The following ARMC9 variants were observed in gnomAD, a reference collection of about 807,000 sequenced individuals.
ARMC9 encodes lisH domain-containing protein ARMC9.
ARMC9 carries 94 observed loss-of-function variants against 107.0 expected under a neutral mutation model. That is an observed-to-expected ratio of 0.88 (90% CI 0.74 to 1.04). ARMC9 has a LOEUF of 1.04. ARMC9 is among the 50% of genes least tolerant of loss of function. ARMC9 has a pLI of 0.00. For synonymous variants in ARMC9, 380 were observed against 396.9 expected (o/e 0.96, Z 0.51); for missense variants, 942 against 1,030.1 (o/e 0.91, Z 1.17).
At chr2:231,352,700 T>C (rs971687439) in intron 21 of ARMC9, among the ~76,000 whole-genome samples, 2 of 149,410 alleles carry the variant, frequency 1.3e-5, no homozygotes, top group African/African-American at 2.5e-5. Flanking sequence ...GATAGATAGA[T>C]AGATAGATGA....
intron 12 of ARMC9, among the ~76,000 whole-genome samples, chr2:231,268,818 T>A (rs2039066585): frequency 6.6e-6 from 1 of 152,116 alleles, no homozygotes; most frequent in African/African-American, 2.4e-5. Flanking sequence ...TTCTAGCACT[T>A]TGGGAGGCCA....
chr2:231,210,850 A>T (rs1041252555), intron 3 of ARMC9, among the ~76,000 whole-genome samples: 2 of 152,224 alleles, frequency 1.3e-5, no homozygotes, highest in African/African-American at 4.8e-5. Flanking sequence ...GTTGTGAAAC[A>T]GATCTCTAGA....
At chr2:231,317,882 A>G (rs942486953) in intron 19 of ARMC9, among the ~76,000 whole-genome samples, 1 of 151,772 alleles carries the variant, frequency 6.6e-6, no homozygotes, top group African/African-American at 2.4e-5. Context: ...CCCGTTTTTC[A>G]CTGATTTTCA....
intron 14 of ARMC9, among the ~76,000 whole-genome samples, chr2:231,274,628 CTT>C (rs770555068): frequency 6.6e-6 from 1 of 152,114 alleles, no homozygotes; most frequent in Non-Finnish European, 1.5e-5. Context: ...CTCAAGTTCT[CTT>C]TGACTTTCTT....
chr2:231,241,093 G>A (rs1403781571), intron 9 of ARMC9, among the ~76,000 whole-genome samples: 1 of 151,748 alleles, frequency 6.6e-6, no homozygotes, highest in Non-Finnish European at 1.5e-5. Context: ...AGCTACTTGG[G>A]AGGCTGAGGC....
intron 11 of ARMC9, among the ~76,000 whole-genome samples, chr2:231,259,476 C>T (rs73096116): frequency 0.12 from 17,863 of 152,154 alleles, 2,046 homozygotes; most frequent in African/African-American, 0.29. Context: ...GCTGGACAGG[C>T]ACCAACGAAA....
At chr2:231,332,559 C>T (rs759991625) in intron 20 of ARMC9, among the ~76,000 whole-genome samples, 1 of 152,158 alleles carries the variant, frequency 6.6e-6, no homozygotes, top group Non-Finnish European at 1.5e-5. Flanking sequence ...TGAGAGCTCC[C>T]GTTGGCTCGG....
At chr2:231,252,632 G>A (rs1273030909) in intron 9 of ARMC9, among the ~76,000 whole-genome samples, 1 of 151,616 alleles carries the variant, frequency 6.6e-6, no homozygotes, top group African/African-American at 2.4e-5. Flanking sequence ...TAAGGTGTTA[G>A]GTGAATAATT....
At chr2:231,313,508 TG>T (rs773737232) in intron 19 of ARMC9, among the ~76,000 whole-genome samples, 8 of 152,216 alleles carry the variant, frequency 5.3e-5, no homozygotes, top group Non-Finnish European at 8.8e-5. Context: ...AAAATTCATC[TG>T]TTTTAAGTAA....
intron 20 of ARMC9, among the ~76,000 whole-genome samples, chr2:231,332,919 G>A (rs2043839483): frequency 1.3e-5 from 2 of 152,192 alleles, no homozygotes; most frequent in Non-Finnish European, 2.9e-5. Context: ...GGTTGGTGTT[G>A]GAGAAGAAGG....
intron 21 of ARMC9, among the ~76,000 whole-genome samples, chr2:231,345,909 C>T (rs994783688): frequency 2.0e-5 from 3 of 152,200 alleles, no homozygotes; most frequent in African/African-American, 4.8e-5. Context: ...AACCAGGCAA[C>T]GGAATTGAGC....
chr2:231,287,455 A>T (rs916117379), intron 17 of ARMC9, among the ~76,000 whole-genome samples: 4 of 152,234 alleles, frequency 2.6e-5, no homozygotes, highest in Non-Finnish European at 4.4e-5. Flanking sequence ...GGCATTCATC[A>T]GCCACAGGTG....
chr2:231,279,253 G>A lies in ARMC9; in HGVS notation c.1551+795G>A, dbSNP rs540743190. ...TTATTTTCTAAGTTTTTAACCTATG[G>A]GCCCCAAGCACTTTTTAAATAAAGT... On this transcript the variant is annotated intron_variant, in intron 16 of 24. Transcript: ENST00000611582. Among the ~76,000 whole-genome samples, 180 of 152,170 alleles carry A rather than the reference G, an allele frequency of 1.2e-3. 1 individual carries two copies. The highest frequency in any genetic ancestry group is 4.1e-3 in the African/African-American group (169 of 41,500).
chr2:231,288,676 A>G (rs2040780146), intron 17 of ARMC9: 1 of 471,092 alleles, frequency 2.1e-6, no homozygotes, highest in Non-Finnish European at 4.4e-6. Flanking sequence ...TGAAGGAGTG[A>G]CTGCGGTTGT....
chr2:231,360,764 C>T lies in ARMC9; in HGVS notation c.2142C>T (p.Ile714=), dbSNP rs183333975. The T allele has an allele frequency of 5.6e-5, 86 of 1,536,170 alleles. No individual in the cohort carries two copies. In the African/African-American group the frequency reaches 1.0e-3, roughly 18 times the overall value. Residue 714 remains isoleucine, a synonymous_variant, in exon 23 of 25, where the codon ATC becomes ATT. Transcript: ENST00000611582. This position sits in a 1 kb window ranked among gnomAD's most constrained non-coding sequence, Gnocchi z 4.7. The stretch of plus-strand genomic sequence containing the variant: ...TCTCCTCCTCCCCAGCAGCCATCAT[C>T]GCCAAGCCAGGAGAGTGGCTCCCAA... ...ESCVSSSSAI[I]AKPGEWLPRG... is the part of the protein sequence containing the mutation.
intron 20 of ARMC9, among the ~76,000 whole-genome samples, chr2:231,341,786 A>G (rs140010038): frequency 6.6e-6 from 1 of 152,242 alleles, no homozygotes; most frequent in South Asian, 2.1e-4. Context: ...CTAAATTGAC[A>G]TGTTGACCAA....
At chr2:231,285,660 C>T (rs1264333208) in intron 17 of ARMC9, among the ~76,000 whole-genome samples, 1 of 149,180 alleles carries the variant, frequency 6.7e-6, no homozygotes, top group Admixed American at 6.7e-5. Flanking sequence ...AAAAAAAAGA[C>T]GTAAGTAGAA....
Position 231,216,636 on chromosome 2 carries a change from A to T in ARMC9, c.349-2A>T. The T allele has an allele frequency of 6.2e-7, 1 of 1,612,828 alleles. No homozygotes were observed. The highest frequency in any genetic ancestry group is 8.5e-7 in the Non-Finnish European group (1 of 1,179,434). ...TCAAACAAGTGTTTTCCCTTCTTCTAGGACAAAGAGGAGCTGGATGAAAAG... is the reference window on the plus strand; with the variant it reads ...TCAAACAAGTGTTTTCCCTTCTTCTTGGACAAAGAGGAGCTGGATGAAAAG... On this transcript the variant is annotated splice_acceptor_variant, in intron 4 of 24. Coordinates refer to ENST00000611582, the MANE Select transcript of ARMC9 (RefSeq NM_001352754.2). LOFTEE classifies it high-confidence loss of function.
intron 4 of ARMC9, chr2:231,215,296 T>A (rs566501254): frequency 2.3e-5 from 6 of 263,754 alleles, no homozygotes; most frequent in Non-Finnish European, 3.6e-5. Flanking sequence ...TAGGCGTGTA[T>A]GTCTAAGAGA....
Sources: allele counts gnomAD v4.1 joint callset (sites outside exome capture counted in the v4.1 genomes callset), GRCh38; gene constraint gnomAD v4.1.1; non-coding constraint Gnocchi (gnomAD v3.1); transcripts MANE v1.5; gene names NCBI Gene and HGNC (gene_info 2026-07-23, HGNC 2026-07-21).